The following SLC24A3 variants were observed in gnomAD, a reference collection of about 807,000 sequenced individuals.
SLC24A3 encodes the protein solute carrier family 24 member 3, also known as sodium/potassium/calcium exchanger 3.
In SLC24A3, 28 loss-of-function variants were observed where a neutral mutation model predicts 75.8. That is an observed-to-expected ratio of 0.37 (90% CI 0.27 to 0.51). SLC24A3 has a LOEUF of 0.51. Ranked by LOEUF, SLC24A3 falls within the 20% of genes least tolerant of loss-of-function variation. The pLI is 0.94. For missense variants in SLC24A3, 663 were observed against 847.8 expected (o/e 0.78, Z 2.71); for synonymous variants, 372 against 334.1 (o/e 1.11, Z -1.24).
chr20:19,706,214 A>G (rs956828280), intron 15 of SLC24A3, among the ~76,000 whole-genome samples: 1 of 152,158 alleles, frequency 6.6e-6, no homozygotes, highest in African/African-American at 2.4e-5. Context: ...TTCTTTGACA[A>G]AGTGTTAATT....
Position 19,678,668 on chromosome 20 carries a change from C to T in SLC24A3, c.768-3190C>T, listed in dbSNP as rs187911616. ...TGACCCTCCACCTCCCTCCCGGACA[C>T]GGCGGCTGCCGGGCGGAGACGCTCC... On this transcript the variant is annotated intron_variant, in intron 9 of 16. Transcript: ENST00000328041. 6.9e-4 allele frequency among the ~76,000 whole-genome samples: 66 copies of T among 95,412 alleles called. 3 individuals carry two copies. In the South Asian group the frequency reaches 0.017, roughly 25 times the overall value. 62.6% of individuals were successfully genotyped at this position (95,412 alleles called of 152,430 possible). A position where few individuals can be genotyped will look rare whatever the true frequency, so the allele number is the denominator to read the frequency against.
Position 19,717,593 on chromosome 20 carries a change from G to A in SLC24A3, c.1785G>A (p.Thr595=), listed in dbSNP as rs2033057605. 4.3e-6 allele frequency: 7 copies of A among 1,614,066 alleles called. No individual in the cohort carries two copies. The highest frequency in any genetic ancestry group is 5.9e-6 in the Non-Finnish European group (7 of 1,179,942). ...VGLLLASVFV[T]VFGVHLNKWQ... ...TGCTCCTGGCCTCTGTTTTTGTCAC[G>A]GTAGGTTGGCAGCTCTCTCCTCGTA... The change falls in exon 16 of 17, where the codon ACG becomes ACA. Residue 595 remains threonine (T), a splice_region_variant and synonymous_variant. Transcript: ENST00000328041.
chr20:19,434,419 T>C (rs779246566), intron 2 of SLC24A3, among the ~76,000 whole-genome samples: 8 of 152,198 alleles, frequency 5.3e-5, no homozygotes, highest in Non-Finnish European at 8.8e-5. Context: ...GAAAACGTTC[T>C]TCAGGTGACC....
At chr20:19,705,461 C>T (rs1302533932) in intron 15 of SLC24A3, among the ~76,000 whole-genome samples, 1 of 152,160 alleles carries the variant, frequency 6.6e-6, no homozygotes, top group African/African-American at 2.4e-5. Flanking sequence ...AAAATAATCC[C>T]AGGTTCATGA....
At chr20:19,393,767 G>A (rs1472829714) in intron 2 of SLC24A3, among the ~76,000 whole-genome samples, 2 of 152,088 alleles carry the variant, frequency 1.3e-5, no homozygotes, top group Non-Finnish European at 2.9e-5. Flanking sequence ...AGTTAATATT[G>A]TTAAGATGTC....
chr20:19,227,808 G>A (rs892848077), intron 1 of SLC24A3, among the ~76,000 whole-genome samples: 2 of 151,898 alleles, frequency 1.3e-5, no homozygotes, highest in African/African-American at 2.4e-5. Context: ...CACCTTTCCT[G>A]TTTTTTGAAA....
rs1480288583 is a variant in SLC24A3, at chr20:19,585,435, T to C, written c.509-6T>C. ...CAGCCAGGCTGATGTGGGATCTGTG[T>C]TTCAGGGGTCTTCATCACCAAAGGC... On this transcript the variant is annotated splice_region_variant and splice_polypyrimidine_tract_variant and intron_variant, in intron 5 of 16. Transcript: ENST00000328041. 2 of 1,613,820 alleles carry C rather than the reference T, an allele frequency of 1.2e-6. No homozygotes were observed. Among genetic ancestry groups the C allele is most frequent in the Non-Finnish European group, 1.7e-6 (2 of 1,179,838 alleles).
chr20:19,579,563 C>T (rs971586036), intron 3 of SLC24A3, among the ~76,000 whole-genome samples: 3 of 152,126 alleles, frequency 2.0e-5, no homozygotes, highest in African/African-American at 7.2e-5. Flanking sequence ...AGGAGACAGA[C>T]AATAGATGAA....
intron 2 of SLC24A3, among the ~76,000 whole-genome samples, chr20:19,495,975 T>A (rs6046141): frequency 0.45 from 67,562 of 151,592 alleles, 15,512 homozygotes; most frequent in African/African-American, 0.55. Context: ...AGATTTTTTT[T>A]AAAAACAATG....
Position 19,689,311 on chromosome 20 carries a change from T to G in SLC24A3, c.1325-3948T>G, listed in dbSNP as rs2032718634. ...ATAACTTTTTCTCTCTTTGATAGAA[T>G]TCAGCTTTCTTCAAAGCTGACTGAG... On this transcript the variant is annotated intron_variant, in intron 12 of 16. Coordinates refer to ENST00000328041, the MANE Select transcript of SLC24A3 (RefSeq NM_020689.4). Among the ~76,000 whole-genome samples, 3 of 152,258 alleles carry G rather than the reference T, an allele frequency of 2.0e-5. No individual in the cohort carries two copies. The South Asian group carries it at 6.2e-4, about 31-fold the overall frequency.
chr20:19,402,451 G>T (rs1017271152), intron 2 of SLC24A3, among the ~76,000 whole-genome samples: 7 of 152,102 alleles, frequency 4.6e-5, no homozygotes, highest in African/African-American at 1.4e-4. Context: ...ACCAACCAAG[G>T]CCTCACTGCA....
At chr20:19,642,213 C>T (rs978982153) in intron 6 of SLC24A3, among the ~76,000 whole-genome samples, 1 of 152,232 alleles carries the variant, frequency 6.6e-6, no homozygotes, top group Non-Finnish European at 1.5e-5. Flanking sequence ...AGCCCCATAT[C>T]ATTCAGAGGG....
intron 3 of SLC24A3, among the ~76,000 whole-genome samples, chr20:19,570,511 T>C (rs991490622): frequency 6.6e-6 from 1 of 152,216 alleles, no homozygotes; most frequent in African/African-American, 2.4e-5. Context: ...CCCAGATTGC[T>C]AAATAGATCT....
At position 19,432,913 on chromosome 20, in the gene SLC24A3, T is replaced by A. The variant is rs1327583974; in HGVS notation, c.272-82575T>A. Among the ~76,000 whole-genome samples the A allele has an allele frequency of 2.6e-5, 4 of 152,350 alleles. No homozygotes were observed. The East Asian group carries it at 7.7e-4, about 29-fold the overall frequency. ...TGCCTAGTGTTCCATTATTGGAACATAAGCATGTGACAGTTATTTATATCC... is the reference window on the plus strand; with the variant it reads ...TGCCTAGTGTTCCATTATTGGAACAAAAGCATGTGACAGTTATTTATATCC... On this transcript the variant is annotated intron_variant, in intron 2 of 16. Coordinates refer to ENST00000328041, the MANE Select transcript of SLC24A3 (RefSeq NM_020689.4).
At chr20:19,337,204 G>A (rs1188281662) in intron 2 of SLC24A3, among the ~76,000 whole-genome samples, 1 of 152,172 alleles carries the variant, frequency 6.6e-6, no homozygotes, top group African/African-American at 2.4e-5. Context: ...CAGCACTTTG[G>A]GAGGCTGAGG....
chr20:19,280,864 C>G (rs1016286883), intron 1 of SLC24A3, 95 bp from the exon 2 acceptor site: 1 of 1,494,078 alleles, frequency 6.7e-7, no homozygotes, highest in Non-Finnish European at 9.0e-7. Context: ...CGGGGCTGAA[C>G]AAGTGATGGC....
chr20:19,628,202 CAAAAAA>C (rs776701707), intron 6 of SLC24A3, among the ~76,000 whole-genome samples: 19 of 51,818 alleles, frequency 3.7e-4, no homozygotes, highest in Admixed American at 1.7e-3. Context: ...GACTCCATCT[CAAAAAA>C]AAAAAAAAAA....
At chr20:19,327,826 G>C (rs1984906801) in intron 2 of SLC24A3, among the ~76,000 whole-genome samples, 2 of 152,168 alleles carry the variant, frequency 1.3e-5, no homozygotes, top group Non-Finnish European at 1.5e-5. Context: ...GACACCCACT[G>C]TGTGTCACTC....
chr20:19,687,630 C>G (rs572256391), intron 12 of SLC24A3, among the ~76,000 whole-genome samples: 47 of 152,302 alleles, frequency 3.1e-4, no homozygotes, highest in African/African-American at 1.0e-3. Context: ...TCTATGTTAG[C>G]ATCTTGGGAG....
Sources: allele counts gnomAD v4.1 joint callset (sites outside exome capture counted in the v4.1 genomes callset), GRCh38; gene constraint gnomAD v4.1.1; transcripts MANE v1.5; gene names NCBI Gene and HGNC (gene_info 2026-07-23, HGNC 2026-07-21).